Variants in ADAM19 observed in about 807,000 individuals in gnomAD.
The protein encoded by ADAM19 is disintegrin and metalloproteinase domain-containing protein 19.
Under a neutral mutation model 114.7 loss-of-function variants are expected in ADAM19, and 65 were observed. The ratio of observed to expected loss-of-function variants is 0.57; its 90% confidence interval spans 0.46 to 0.70. ADAM19 has a LOEUF of 0.70. ADAM19 is among the 30% of genes least tolerant of loss of function. ADAM19 has a pLI of 0.00. For missense variants in ADAM19, 1,063 were observed against 1,204.7 expected, an observed-to-expected ratio of 0.88 and a Z score of 1.74; for synonymous variants, 466 against 460.5, an observed-to-expected ratio of 1.01 and a Z score of -0.15.
At chr5:157,549,025 T>A (rs1269943293) in intron 3 of ADAM19, among the ~76,000 whole-genome samples, 1 of 152,208 alleles carries the variant, frequency 6.6e-6, no homozygotes, top group Non-Finnish European at 1.5e-5. Flanking sequence ...CAATGCCTTG[T>A]GCTCAGCCCC....
intron 5 of ADAM19, among the ~76,000 whole-genome samples, chr5:157,521,178 T>A (rs538857308): frequency 6.6e-6 from 1 of 152,346 alleles, no homozygotes; most frequent in South Asian, 2.1e-4. Flanking sequence ...GGACCATGAC[T>A]TATTATCAAT....
At chr5:157,543,203 A>G (rs1756964316) in intron 3 of ADAM19, among the ~76,000 whole-genome samples, 2 of 152,194 alleles carry the variant, frequency 1.3e-5, no homozygotes, top group African/African-American at 4.8e-5. Flanking sequence ...CTTGCTGGTT[A>G]GCCCATTAAT....
At chr5:157,533,350 G>A (rs1385498498) in intron 4 of ADAM19, among the ~76,000 whole-genome samples, 1 of 152,208 alleles carries the variant, frequency 6.6e-6, no homozygotes, top group Non-Finnish European at 1.5e-5. Flanking sequence ...AAGCCAGTGT[G>A]CTGTGATTAT....
intron 10 of ADAM19, among the ~76,000 whole-genome samples, chr5:157,506,302 C>A (rs999040654): frequency 6.6e-6 from 1 of 152,140 alleles, no homozygotes; most frequent in African/African-American, 2.4e-5. Context: ...AGGAAAAAAA[C>A]CCAGCAGGAA....
At chr5:157,489,446 C>T (rs1755073957) in intron 19 of ADAM19, among the ~76,000 whole-genome samples, 2 of 152,192 alleles carry the variant, frequency 1.3e-5, no homozygotes, top group African/African-American at 4.8e-5. Flanking sequence ...CCTTTTAAGA[C>T]CCTTCCCCTG....
rs866379548 is a variant in ADAM19 at position 157,480,649 on chromosome 5, G to A, written c.*300C>T. On this transcript the variant is annotated 3_prime_UTR_variant, in exon 23 of 23. Transcript: ENST00000257527. ...CCTTGAGCATCTCCATCAGCACCTCGGGGCTAGGAGTCTGGAGGAGAAGCT... is the reference window on the plus strand; with the variant it reads ...CCTTGAGCATCTCCATCAGCACCTCAGGGCTAGGAGTCTGGAGGAGAAGCT... 1.0e-5 allele frequency: 12 copies of A among 1,195,618 alleles called. No homozygotes were observed. The highest frequency in any genetic ancestry group is 7.0e-4 in the Middle Eastern group (2 of 2,870). The allele number at this position is 1,195,618 out of a possible 1,614,324, so 74.1% of individuals were successfully genotyped here.
rs1447013282 is a variant in ADAM19, at chr5:157,477,905, G to A, written c.*3044C>T. The A allele has an allele frequency of 1.7e-5, 6 of 352,452 alleles. No individual in the cohort carries two copies. The highest frequency in any genetic ancestry group is 3.7e-5 in the Admixed American group (1 of 27,140). 21.8% of individuals were successfully genotyped at this position (352,452 alleles called of 1,614,324 possible). ...CAGCAAGTCTCAGACCTTAAGATCT[G>A]CAAGTGTCTCAGAGCTGGGGCAGAA... On this transcript the variant is annotated 3_prime_UTR_variant, in exon 23 of 23. Coordinates refer to ENST00000257527, the MANE Select transcript of ADAM19 (RefSeq NM_033274.5).
At position 157,492,617 on chromosome 5, in the gene ADAM19, T is replaced by C. The variant is rs532956673; in HGVS notation, c.1908+356A>G. Among the ~76,000 whole-genome samples, 17 of 152,320 alleles carry C rather than the reference T, an allele frequency of 1.1e-4. No individual in the cohort carries two copies. The South Asian group carries it at 3.3e-3, about 30-fold the overall frequency. ...GCCAGGTGCTATGCTAAATGCTTCA[T>C]GTTTTCCATAGTTTCATTATCAGAA... On this transcript the variant is annotated intron_variant, in intron 16 of 22. Transcript: ENST00000257527.
intron 21 of ADAM19, among the ~76,000 whole-genome samples, chr5:157,483,903 G>T (rs545797776): frequency 5.9e-5 from 9 of 151,706 alleles, no homozygotes; most frequent in African/African-American, 2.2e-4. Context: ...AAAGTGCTGG[G>T]ATTACACGTG....
intron 4 of ADAM19, among the ~76,000 whole-genome samples, chr5:157,537,543 C>G (rs1281859523): frequency 6.6e-6 from 1 of 152,200 alleles, no homozygotes; most frequent in African/African-American, 2.4e-5. Context: ...AAGGACTAAT[C>G]AAACATCTAA....
intron 3 of ADAM19, among the ~76,000 whole-genome samples, chr5:157,557,700 C>A (rs776607481): frequency 6.6e-6 from 1 of 152,116 alleles, no homozygotes; most frequent in Non-Finnish European, 1.5e-5. Context: ...GCCCTCTCTC[C>A]GGTTCATAGA....
intron 4 of ADAM19, among the ~76,000 whole-genome samples, chr5:157,535,295 G>A (rs1219433522): frequency 6.6e-6 from 1 of 152,218 alleles, no homozygotes; most frequent in African/African-American, 2.4e-5. Flanking sequence ...CCAACCGCCT[G>A]ACCTAGATGC....
At chr5:157,542,088 T>A (rs915785267) in intron 3 of ADAM19, among the ~76,000 whole-genome samples, 4 of 152,132 alleles carry the variant, frequency 2.6e-5, no homozygotes, top group African/African-American at 9.7e-5. Flanking sequence ...GAGGTCCACT[T>A]TTCTGGTCTC....
chr5:157,510,307 T>G (rs1755876599), intron 8 of ADAM19, among the ~76,000 whole-genome samples: 1 of 152,096 alleles, frequency 6.6e-6, no homozygotes, highest in African/African-American at 2.4e-5. Context: ...AAACCCCATC[T>G]CTACTAAAAA....
intron 21 of ADAM19, among the ~76,000 whole-genome samples, chr5:157,483,115 C>G (rs150613684): frequency 6.6e-6 from 1 of 152,090 alleles, no homozygotes; most frequent in African/African-American, 2.4e-5. Flanking sequence ...ATGTAGATGA[C>G]GGGTTGATGG....
At chr5:157,532,560 T>C (rs935464184) in intron 4 of ADAM19, among the ~76,000 whole-genome samples, 1 of 152,154 alleles carries the variant, frequency 6.6e-6, no homozygotes, top group African/African-American at 2.4e-5. Context: ...AGAGATGCAC[T>C]GGTCAGAACA....
intron 6 of ADAM19, among the ~76,000 whole-genome samples, chr5:157,519,465 A>G (rs1158166005): frequency 1.3e-5 from 2 of 152,120 alleles, no homozygotes; most frequent in Non-Finnish European, 2.9e-5. Context: ...TTGTACTTTT[A>G]GTAGAGATGG....
chr5:157,488,192 C>T (rs1202743484), intron 21 of ADAM19, 73 bp downstream of exon 21: 14 of 1,461,738 alleles, frequency 9.6e-6, no homozygotes, highest in Middle Eastern at 3.6e-4. Context: ...ACCTTCCCCA[C>T]CTTTGCCATT....
At chr5:157,547,467 G>T (rs2113774554) in intron 3 of ADAM19, among the ~76,000 whole-genome samples, 1 of 152,336 alleles carries the variant, frequency 6.6e-6, no homozygotes, top group East Asian at 1.9e-4. Flanking sequence ...CTGCAAGTTT[G>T]CTCTCTTGCT....
Sources: gnomAD v4.1 joint callset for allele counts (sites outside exome capture counted in the v4.1 genomes callset) on GRCh38, gnomAD v4.1.1 for gene constraint, MANE v1.5 for transcripts, NCBI Gene and HGNC (gene_info 2026-07-23, HGNC 2026-07-21) for gene names.